Variants in IL10RA observed in about 807,000 individuals in gnomAD.
IL10RA encodes interleukin-10 receptor subunit alpha.
In IL10RA, 18 loss-of-function variants were observed where a neutral mutation model predicts 29.6. The ratio of observed to expected loss-of-function variants is 0.61; its 90% CI spans 0.42 to 0.90. The LOEUF (loss-of-function observed/expected upper bound fraction) is 0.90, where lower values mean the gene tolerates loss of function less well. IL10RA is among the 40% of genes least tolerant of loss of function. IL10RA has a pLI of 0.00. For missense variants in IL10RA, 634 were observed against 716.6 expected (o/e 0.88, Z 1.32); for synonymous variants, 292 against 294.1 (o/e 0.99, Z 0.07).
Position 117,998,840 on chromosome 11 carries a change from C to T in IL10RA, c.936C>T (p.Asp312=), listed in dbSNP as rs769543131. 3 of 1,614,068 alleles carry T rather than the reference C, an allele frequency of 1.9e-6. No individual in the cohort carries two copies. The highest frequency in any genetic ancestry group is 2.7e-5 in the African/African-American group (2 of 74,912). Residue 312 remains aspartate, a synonymous_variant, in exon 7 of 7, where the codon GAC becomes GAT. Transcript: ENST00000227752. Reference sequence around the variant, plus strand: ...TGTCCCCAGAGCTGAAGAACTTGGACCTGCACGGCAGCACAGACAGTGGCT... The same window carrying T: ...TGTCCCCAGAGCTGAAGAACTTGGATCTGCACGGCAGCACAGACAGTGGCT... ...LKVSPELKNL[D]LHGSTDSGFG...
intron 6 of IL10RA, among the ~76,000 whole-genome samples, chr11:117,996,530 G>C (rs1591265110): frequency 1.3e-5 from 2 of 152,348 alleles, no homozygotes; most frequent in Middle Eastern, 6.8e-3. Context: ...TGATGGCTGA[G>C]GGATCAGCTG....
Position 117,995,610 on chromosome 11 carries a change from T to C in IL10RA, c.710T>C (p.Ile237Thr). Residue 237 changes from isoleucine (I) to threonine (T), a missense_variant, in exon 6 of 7, where the codon ATC becomes ACC. Physicochemically the swap from Ile to Thr is moderately conservative, Grantham distance 89. Transcript: ENST00000227752. ...TRQYFTVTNV[I>T]IFFAFVLLLS... Reference sequence around the variant, plus strand: ...GCAGATTTCACCGTGACCAACGTCATCATCTTCTTTGCCTTTGTCCTGCTG... The same window carrying C: ...GCAGATTTCACCGTGACCAACGTCACCATCTTCTTTGCCTTTGTCCTGCTG... 1 of 1,614,220 alleles carries C rather than the reference T, an allele frequency of 6.2e-7. No homozygotes were observed. Among genetic ancestry groups the C allele is most frequent in the Non-Finnish European group, 8.5e-7 (1 of 1,180,036 alleles).
rs944731631 is a variant in IL10RA, at chr11:118,000,914, A to G, written c.*1273A>G. The G allele has an allele frequency of 1.3e-5, 6 of 454,132 alleles. No individual in the cohort carries two copies. Among genetic ancestry groups the G allele is most frequent in the African/African-American group, 8.0e-5 (4 of 50,016 alleles). 28.1% of individuals were successfully genotyped at this position (454,132 alleles called of 1,614,324 possible). A position where few individuals can be genotyped will look rare whatever the true frequency, so the allele number is the denominator to read the frequency against. On this transcript the variant is annotated 3_prime_UTR_variant, in exon 7 of 7. Transcript: ENST00000227752. ...GGGGCATTATGGGCCCTGCCTCCCC[A>G]TAGGCCATTTGGACTCTGCCTTCAA...
chr11:117,997,909 A>T (rs576472352), intron 6 of IL10RA, among the ~76,000 whole-genome samples: 6 of 152,184 alleles, frequency 3.9e-5, no homozygotes, highest in Admixed American at 3.9e-4. Context: ...GGACACAGCC[A>T]TATAAAGTGC....
chr11:117,996,292 C>T (rs951955047), intron 6 of IL10RA, among the ~76,000 whole-genome samples: 2 of 149,702 alleles, frequency 1.3e-5, no homozygotes, highest in South Asian at 2.1e-4. Context: ...GGGATGCTGG[C>T]AGGGGACAGG....
rs754675596 is a variant in IL10RA, at chr11:117,999,132, G to C, written c.1228G>C (p.Glu410Gln). Residue 410 changes from glutamate to glutamine, a missense_variant, in exon 7 of 7, where the codon GAG becomes CAG. By Grantham distance (29) the Glu-to-Gln change is conservative. Coordinates refer to ENST00000227752, the MANE Select transcript of IL10RA (RefSeq NM_001558.4). Reference protein sequence around the residue: ...DSGIDLVQNSEGRAGDTQGGS... With the variant: ...DSGIDLVQNSQGRAGDTQGGS... The stretch of plus-strand genomic sequence containing the variant: ...TGGCATTGACTTAGTTCAAAACTCT[G>C]AGGGCCGGGCTGGGGACACACAGGG... 8 of 1,613,392 alleles carry C rather than the reference G, an allele frequency of 5.0e-6. No individual in the cohort carries two copies. In the South Asian group the frequency reaches 7.7e-5, roughly 16 times the overall value.
At chr11:117,994,294 T>C (rs2058042593) in intron 5 of IL10RA, 145 bp downstream of exon 5, 6 of 660,158 alleles carry the variant, frequency 9.1e-6, no homozygotes. Flanking sequence ...AGGAGAGAGG[T>C]CCTACTGTCC....
chr11:117,999,770 G>A lies in IL10RA; in HGVS notation c.*129G>A, dbSNP rs1565374331. The A allele has an allele frequency of 1.2e-6, 1 of 837,162 alleles. No individual in the cohort carries two copies. The highest frequency in any genetic ancestry group is 2.0e-5 in the Admixed American group (1 of 50,700). 51.9% of individuals were successfully genotyped at this position (837,162 alleles called of 1,614,324 possible). The stretch of plus-strand genomic sequence containing the variant: ...CTTTTCTGCAAGTCCACTGGGGCTG[G>A]CCCCAGCCAGGCCCTGCAGGGCTGG... On this transcript the variant is annotated 3_prime_UTR_variant, in exon 7 of 7. Transcript: ENST00000227752.
Position 117,998,888 on chromosome 11 carries a change from G to A in IL10RA, c.984G>A (p.Leu328=). Residue 328 remains leucine (L), a synonymous_variant, in exon 7 of 7, where the codon CTG becomes CTA. Coordinates refer to ENST00000227752, the MANE Select transcript of IL10RA (RefSeq NM_001558.4). ...GCTTTGGCAGCACCAAGCCATCCCTGCAGACTGAAGAGCCCCAGTTCCTCC... is the reference window on the plus strand; with the variant it reads ...GCTTTGGCAGCACCAAGCCATCCCTACAGACTGAAGAGCCCCAGTTCCTCC... ...DSGFGSTKPS[L]QTEEPQFLLP... is the part of the protein sequence containing the mutation. The A allele has an allele frequency of 6.2e-7, 1 of 1,614,200 alleles. No individual in the cohort carries two copies. Among genetic ancestry groups the A allele is most frequent in the East Asian group, 2.2e-5 (1 of 44,884 alleles).
intron 3 of IL10RA, among the ~76,000 whole-genome samples, chr11:117,992,743 G>A (rs4252268): frequency 1.6e-4 from 24 of 152,232 alleles, no homozygotes; most frequent in African/African-American, 5.3e-4. Context: ...TGTGCTTTAG[G>A]GATCGTATCC....
chr11:117,986,500 G>T lies in IL10RA; in HGVS notation c.33G>T (p.Ala11=). MLPCLVVLLA[A]LLSLRLGSDA... is the part of the protein sequence containing the mutation. ...CGTGCCTCGTAGTGCTGCTGGCGGC[G>T]CTCCTCAGCCTCCGTCTTGGCTCAG... Residue 11 remains alanine, a synonymous_variant, in exon 1 of 7, where the codon GCG becomes GCT. Coordinates refer to ENST00000227752, the MANE Select transcript of IL10RA (RefSeq NM_001558.4). The T allele has an allele frequency of 6.4e-7, 1 of 1,556,462 alleles. No homozygotes were observed. The highest frequency in any genetic ancestry group is 1.4e-5 in the African/African-American group (1 of 73,358).
At chr11:117,995,994 T>A (rs1454623447) in intron 6 of IL10RA, among the ~76,000 whole-genome samples, 3 of 152,268 alleles carry the variant, frequency 2.0e-5, no homozygotes, top group Middle Eastern at 6.8e-3. Context: ...CTACTAGTAG[T>A]TGGCCATGGA....
chr11:118,000,208 G>T lies in IL10RA; in HGVS notation c.*567G>T. ...TGGGGCAGGAAGCTTGTCACTGGAA[G>T]ATCTTAAGGTATATATTTTCTGGAC... On this transcript the variant is annotated 3_prime_UTR_variant, in exon 7 of 7. Transcript: ENST00000227752. The T allele has an allele frequency of 2.2e-6, 1 of 454,282 alleles. No individual in the cohort carries two copies. The highest frequency in any genetic ancestry group is 4.4e-6 in the Non-Finnish European group (1 of 226,824). The allele number at this position is 454,282 out of a possible 1,614,324, so 28.1% of individuals were successfully genotyped here.
intron 1 of IL10RA, 109 bp downstream of exon 1, chr11:117,986,643 G>A (rs1001849491): frequency 3.2e-6 from 5 of 1,539,052 alleles, no homozygotes; most frequent in Admixed American, 3.9e-5. Context: ...TGGCAGAGCG[G>A]TGCCCGGGTG....
At position 117,989,040 on chromosome 11, in the gene IL10RA, C is replaced by T. The variant is rs901699336; in HGVS notation, c.189-402C>T. Among the ~76,000 whole-genome samples, 3 of 152,220 alleles carry T rather than the reference C, an allele frequency of 2.0e-5. No homozygotes were observed. The highest frequency in any genetic ancestry group is 4.8e-5 in the African/African-American group (2 of 41,456). The stretch of plus-strand genomic sequence containing the variant: ...CCTCCCAAAGGGCTGGGATTACTGG[C>T]GTGAGCCACCACCTCCGGCCTCCAA... On this transcript the variant is annotated intron_variant, in intron 2 of 6. Transcript: ENST00000227752. The surrounding 1 kb of genome is among the most constrained non-coding windows in gnomAD (Gnocchi z 4.5).
Position 117,989,784 on chromosome 11 carries a change from T to TA in IL10RA, c.367+169dup. 1.4e-6 allele frequency: 1 copy of TA among 721,064 alleles called. No homozygotes were observed. The highest frequency in any genetic ancestry group is 2.4e-6 in the Non-Finnish European group (1 of 412,140). The allele number at this position is 721,064 out of a possible 1,614,324, so 44.7% of individuals were successfully genotyped here. On this transcript the variant is annotated intron_variant, in intron 3 of 6. Coordinates refer to ENST00000227752, the MANE Select transcript of IL10RA (RefSeq NM_001558.4). The surrounding 1 kb of genome is among the most constrained non-coding windows in gnomAD (Gnocchi z 4.5). ...GGGCAGGACTTTGGAGAATGTTAGATAAAAATAGCCCAAGTTGTTTGAGAT... is the reference window on the plus strand; with the variant it reads ...GGGCAGGACTTTGGAGAATGTTAGATAAAAAATAGCCCAAGTTGTTTGAGAT...
At chr11:117,995,793 A>G in intron 6 of IL10RA, 83 bp downstream of exon 6, 2 of 1,456,920 alleles carry the variant, frequency 1.4e-6, no homozygotes, top group Non-Finnish European at 1.9e-6. Context: ...TTTTCCTCCC[A>G]GCCAGTCCAT....
In IL10RA at chr11:117,999,595, A is replaced by G. The variant is rs2058080515; in HGVS notation, c.1691A>G (p.Asp564Gly). Residue 564 changes from aspartate to glycine, a missense_variant, in exon 7 of 7, where the codon GAC becomes GGC. Transcript: ENST00000227752. ...PGGLLGSFNS[D>G]LVTLPLISSL... ...GGTCTCCTGGGCAGCTTTAACTCAG[A>G]CCTGGTCACCCTGCCCCTCATCTCT... The G allele has an allele frequency of 6.2e-7, 1 of 1,614,066 alleles. No homozygotes were observed. The highest frequency in any genetic ancestry group is 8.5e-7 in the Non-Finnish European group (1 of 1,180,002).
Position 118,000,814 on chromosome 11 carries a change from T to C in IL10RA, c.*1173T>C. 1 of 454,270 alleles carries C rather than the reference T, an allele frequency of 2.2e-6. No individual in the cohort carries two copies. 28.1% of individuals were successfully genotyped at this position (454,270 alleles called of 1,614,324 possible). On this transcript the variant is annotated 3_prime_UTR_variant, in exon 7 of 7. Coordinates refer to ENST00000227752, the MANE Select transcript of IL10RA (RefSeq NM_001558.4). ...GTGGACTACCAAGCTGGCTTGTTTCTTATGCCAGAGGCTAACAGATCCAAT... is the reference window on the plus strand; with the variant it reads ...GTGGACTACCAAGCTGGCTTGTTTCCTATGCCAGAGGCTAACAGATCCAAT...
Sources: allele counts gnomAD v4.1 joint callset (sites outside exome capture counted in the v4.1 genomes callset), GRCh38; gene constraint gnomAD v4.1.1; non-coding constraint Gnocchi (gnomAD v3.1); transcripts MANE v1.5; gene names NCBI Gene and HGNC (gene_info 2026-07-23, HGNC 2026-07-21).